SNAP25: variants seen among roughly 807,000 people sequenced by gnomAD.
SNAP25 encodes synaptosome associated protein 25, also known as synaptosomal-associated protein 25.
SNAP25 carries 3 observed loss-of-function variants against 28.7 expected under a neutral mutation model. That is an observed-to-expected ratio of 0.10 (90% CI 0.05 to 0.27). The LOEUF is 0.27. Among genes scored for constraint, SNAP25 ranks in the 10% least tolerant of loss-of-function variants. The pLI, the probability that SNAP25 is intolerant of heterozygous loss-of-function variation, is 1.00. For missense variants in SNAP25, 117 were observed against 278.7 expected, an observed-to-expected ratio of 0.42 and a Z score of 4.13; for synonymous variants, 61 against 88.1, an observed-to-expected ratio of 0.69 and a Z score of 1.72.
At chr20:10,232,494 A>T (rs1214231760) in intron 1 of SNAP25, among the ~76,000 whole-genome samples, 1 of 152,192 alleles carries the variant, frequency 6.6e-6, no homozygotes, top group Admixed American at 6.5e-5. Flanking sequence ...GGAAGAATAA[A>T]CTACTCACCT....
intron 1 of SNAP25, among the ~76,000 whole-genome samples, chr20:10,268,456 G>T (rs2063540507): frequency 6.6e-6 from 1 of 152,160 alleles, no homozygotes; most frequent in Admixed American, 6.5e-5. Context: ...TATTAGATCA[G>T]GGTACACTTT....
At chr20:10,282,174 A>G (rs774445039) in intron 3 of SNAP25, among the ~76,000 whole-genome samples, 6 of 107,514 alleles carry the variant, frequency 5.6e-5, no homozygotes, top group Admixed American at 3.5e-4. Flanking sequence ...GAAGGAAGGA[A>G]GGAAGGAAGG....
In SNAP25 at chr20:10,280,946, G is replaced by A. The variant is rs1028912325; in HGVS notation, c.114+3220G>A. 3.9e-5 allele frequency among the ~76,000 whole-genome samples: 6 copies of A among 152,298 alleles called. No individual in the cohort carries two copies. The East Asian group carries it at 7.7e-4, about 20-fold the overall frequency. On this transcript the variant is annotated intron_variant, in intron 3 of 7. Transcript: ENST00000254976. ...TCCTTTTCAGATATGCAGATGTGGG[G>A]TCTTTTGGAGAGAGTGCCTGGAGTG...
chr20:10,297,677 C>T (rs1041004743), intron 6 of SNAP25, among the ~76,000 whole-genome samples: 1 of 152,162 alleles, frequency 6.6e-6, no homozygotes, highest in Non-Finnish European at 1.5e-5. Flanking sequence ...AGAAATACAG[C>T]CACTACCAAA....
Position 10,293,051 on chromosome 20 carries a change from T to G in SNAP25, c.164-110T>G. The G allele has an allele frequency of 1.4e-6, 2 of 1,465,086 alleles. No individual in the cohort carries two copies. Among genetic ancestry groups the G allele is most frequent in the South Asian group, 1.3e-5 (1 of 77,600 alleles). The allele number at this position is 1,465,086 out of a possible 1,614,324, so 90.8% of individuals were successfully genotyped here. A position where few individuals can be genotyped will look rare whatever the true frequency, so the allele number is the denominator to read the frequency against. On this transcript the variant is annotated intron_variant, in intron 4 of 7. Coordinates refer to ENST00000254976, the MANE Select transcript of SNAP25 (RefSeq NM_130811.4). This position sits in a 1 kb window ranked among gnomAD's most constrained non-coding sequence, Gnocchi z 5.6. ...TGTGGCGTCCAGTTTTCTTTCTTTT[T>G]TTTTTTTTCTTTTTTAATGTCAAAG...
chr20:10,244,937 G>T (rs1045827034), intron 1 of SNAP25, among the ~76,000 whole-genome samples: 1 of 152,002 alleles, frequency 6.6e-6, no homozygotes, highest in South Asian at 2.1e-4. Flanking sequence ...CACCGTCTTG[G>T]TCAGGCTTGT....
In SNAP25 at chr20:10,224,257, C is replaced by CTTTTTTTTTTTTTTTTTTTTT. The variant is rs71332917; in HGVS notation, c.-64+5295_-64+5315dup. Among the ~76,000 whole-genome samples, 17 of 17,432 alleles carry CTTTTTTTTTTTTTTTTTTTTT rather than the reference C, an allele frequency of 9.8e-4. 5 individuals are homozygous for CTTTTTTTTTTTTTTTTTTTTT. Among genetic ancestry groups the CTTTTTTTTTTTTTTTTTTTTT allele is most frequent in the Admixed American group, 1.6e-3 (2 of 1,216 alleles). The allele number at this position is 17,432 out of a possible 152,430, so 11.4% of individuals were successfully genotyped here. A position where few individuals can be genotyped will look rare whatever the true frequency, so the allele number is the denominator to read the frequency against. On this transcript the variant is annotated intron_variant, in intron 1 of 7. Transcript: ENST00000254976. ...AATAAGGCATAGAGAATGTACATGT[C>CTTTTTTTTTTTTTTTTTTTTT]TTTTTTTTTTTTTTTTTTTTTTTTT...
chr20:10,274,623 C>T (rs1328850866), intron 1 of SNAP25, among the ~76,000 whole-genome samples: 1 of 152,142 alleles, frequency 6.6e-6, no homozygotes, highest in Admixed American at 6.5e-5. Context: ...GCAGGCGGAT[C>T]ACAAGGTCAG....
chr20:10,295,543 G>C (rs2064090498), intron 5 of SNAP25, among the ~76,000 whole-genome samples: 1 of 152,176 alleles, frequency 6.6e-6, no homozygotes, highest in African/African-American at 2.4e-5. Flanking sequence ...GATTGTGGGA[G>C]TTGCTGAAAT....
intron 1 of SNAP25, among the ~76,000 whole-genome samples, chr20:10,253,092 G>A (rs2122824896): frequency 2.0e-5 from 3 of 152,320 alleles, no homozygotes; most frequent in Middle Eastern, 6.8e-3. Flanking sequence ...GGAGCTATGT[G>A]AATGAGAGAC....
At chr20:10,255,648 C>A (rs1028317444) in intron 1 of SNAP25, among the ~76,000 whole-genome samples, 1 of 152,156 alleles carries the variant, frequency 6.6e-6, no homozygotes, top group Non-Finnish European at 1.5e-5. Flanking sequence ...TATTAGTAGG[C>A]AAATCTACCT....
At chr20:10,270,966 T>G (rs2063582921) in intron 1 of SNAP25, among the ~76,000 whole-genome samples, 1 of 152,196 alleles carries the variant, frequency 6.6e-6, no homozygotes, top group Non-Finnish European at 1.5e-5. Context: ...GACCCTTTGC[T>G]AATAAGCACT....
intron 1 of SNAP25, among the ~76,000 whole-genome samples, chr20:10,249,514 T>C (rs1444985316): frequency 1.3e-5 from 2 of 152,130 alleles, no homozygotes; most frequent in East Asian, 3.9e-4. Context: ...GGCGGGTTCC[T>C]TACAAGAAAA....
chr20:10,258,095 T>C (rs2063352413), intron 1 of SNAP25, among the ~76,000 whole-genome samples: 1 of 152,216 alleles, frequency 6.6e-6, no homozygotes, highest in Admixed American at 6.5e-5. Context: ...TTTGACGTAC[T>C]ATTAACTTTT....
intron 4 of SNAP25, among the ~76,000 whole-genome samples, chr20:10,291,403 A>G (rs2063995727): frequency 6.6e-6 from 1 of 151,982 alleles, no homozygotes; most frequent in Non-Finnish European, 1.5e-5. Context: ...TTTTTAAGCC[A>G]TCACTGTGCC....
intron 6 of SNAP25, among the ~76,000 whole-genome samples, chr20:10,297,515 G>A (rs2064138725): frequency 6.6e-6 from 1 of 152,192 alleles, no homozygotes; most frequent in Admixed American, 6.5e-5. Context: ...TACTTACAGA[G>A]GGGTGGGCAG....
intron 1 of SNAP25, among the ~76,000 whole-genome samples, chr20:10,234,970 A>G (rs1252397591): frequency 1.3e-5 from 2 of 152,346 alleles, no homozygotes; most frequent in East Asian, 3.9e-4. Context: ...GCCAAGGCAG[A>G]AGGATCACTT....
intron 1 of SNAP25, among the ~76,000 whole-genome samples, chr20:10,241,775 G>A (rs758893325): frequency 4.6e-5 from 7 of 152,274 alleles, no homozygotes; most frequent in Middle Eastern, 3.4e-3. Context: ...GGAGAGAAGC[G>A]CAGAGGAAAG....
Position 10,240,339 on chromosome 20 carries a change from G to C in SNAP25, c.-64+21362G>C, listed in dbSNP as rs144596802. On this transcript the variant is annotated intron_variant, in intron 1 of 7. Coordinates refer to ENST00000254976, the MANE Select transcript of SNAP25 (RefSeq NM_130811.4). ...ATCTGATTAAATCAGGCCCAACCCA[G>C]GCAATCTCCTTTTTTACTTATCTCA... Among the ~76,000 whole-genome samples, 460 of 152,218 alleles carry C rather than the reference G, an allele frequency of 3.0e-3. 2 individuals carry two copies. The highest frequency in any genetic ancestry group is 0.017 in the Middle Eastern group (5 of 294).
Sources: gnomAD v4.1 joint callset for allele counts (sites outside exome capture counted in the v4.1 genomes callset) on GRCh38, gnomAD v4.1.1 for gene constraint, Gnocchi (gnomAD v3.1) non-coding constraint, MANE v1.5 for transcripts, NCBI Gene and HGNC (gene_info 2026-07-23, HGNC 2026-07-21) for gene names.